Variants in GTF3C1 observed in about 807,000 individuals in gnomAD.
The protein encoded by GTF3C1 is general transcription factor IIIC subunit 1.
Under a neutral mutation model 226.7 loss-of-function variants are expected in GTF3C1, and 57 were observed. That is an observed-to-expected ratio of 0.25 (90% CI 0.20 to 0.31). GTF3C1 has a LOEUF of 0.31. Ranked by LOEUF, GTF3C1 falls within the 10% of genes least tolerant of loss-of-function variation. GTF3C1 has a pLI of 1.00. For synonymous variants in GTF3C1, 1,090 were observed against 1,084.8 expected, an observed-to-expected ratio of 1.00 and a Z score of -0.09; for missense variants, 2,217 against 2,776.1, an observed-to-expected ratio of 0.80 and a Z score of 4.53.
rs2087836809 is a variant in GTF3C1 at position 27,469,643 on chromosome 16, C to T, written c.4815-93G>A. On this transcript the variant is annotated intron_variant, in intron 31 of 36. Coordinates refer to ENST00000356183, the MANE Select transcript of GTF3C1 (RefSeq NM_001520.4). This position sits in a 1 kb window ranked among gnomAD's most constrained non-coding sequence, Gnocchi z 4.5. ...CCCTCAAGAGGCCTCTGTGGCTGGG[C>T]TTCAGCAGTGGCCCCAGCAACTGGC... is the stretch of plus-strand genomic sequence containing the variant. The T allele has an allele frequency of 7.1e-7, 1 of 1,406,364 alleles. No homozygotes were observed. Among genetic ancestry groups the T allele is most frequent in the Non-Finnish European group, 9.8e-7 (1 of 1,021,118 alleles). The allele number at this position is 1,406,364 out of a possible 1,614,324, so 87.1% of individuals were successfully genotyped here.
rs1045826023 is a variant in GTF3C1, at chr16:27,471,700, G to A, written c.4526+48C>T. The A allele has an allele frequency of 6.9e-7, 1 of 1,445,536 alleles. No homozygotes were observed. The highest frequency in any genetic ancestry group is 9.7e-7 in the Non-Finnish European group (1 of 1,029,194). The allele number at this position is 1,445,536 out of a possible 1,614,324, so 89.5% of individuals were successfully genotyped here. On this transcript the variant is annotated intron_variant, in intron 30 of 36. Transcript: ENST00000356183. This position sits in a 1 kb window ranked among gnomAD's most constrained non-coding sequence, Gnocchi z 5.0. ...CTTCCTTTGCTCCTCTTTACAGACA[G>A]GGCGTGGCTCCACCTCGGAGTACCC... is the stretch of plus-strand genomic sequence containing the variant.
intron 5 of GTF3C1, among the ~76,000 whole-genome samples, chr16:27,532,076 G>A (rs1437376838): frequency 6.6e-6 from 1 of 152,200 alleles, no homozygotes; most frequent in Non-Finnish European, 1.5e-5. Flanking sequence ...GCTAACTGAT[G>A]TCAGGAGAGA....
rs757443826 is a variant in GTF3C1 at position 27,549,738 on chromosome 16, G to A, written c.153C>T (p.Leu51=). Residue 51 remains leucine (L), a synonymous_variant, in exon 1 of 37, where the codon CTC becomes CTT. Transcript: ENST00000356183. ...AGAAGCTGATGCCCGGGTGCGTGGC[G>A]AGGGCCCGCCAGAGAAACTCCTGCG... ...PCTQEFLWRA[L]ATHPGISFYE... is the part of the protein sequence containing the mutation. 2 of 1,611,576 alleles carry A rather than the reference G, an allele frequency of 1.2e-6. No homozygotes were observed. Among genetic ancestry groups the A allele is most frequent in the African/African-American group, 1.3e-5 (1 of 74,884 alleles).
chr16:27,501,553 A>T (rs1246533196), intron 11 of GTF3C1, among the ~76,000 whole-genome samples: 1 of 152,214 alleles, frequency 6.6e-6, no homozygotes, highest in Non-Finnish European at 1.5e-5. Flanking sequence ...AAGCCACCAA[A>T]GACAGCAGCT....
intron 4 of GTF3C1, among the ~76,000 whole-genome samples, chr16:27,533,842 C>T (rs748223970): frequency 6.6e-6 from 1 of 152,142 alleles, no homozygotes; most frequent in Non-Finnish European, 1.5e-5. Context: ...CCTATCTCTA[C>T]TACAAATACA....
rs2087713723 is a variant in GTF3C1, at chr16:27,462,084, C to T, written c.6117+210G>A. On this transcript the variant is annotated intron_variant, in intron 36 of 36. Transcript: ENST00000356183. This position sits in a 1 kb window ranked among gnomAD's most constrained non-coding sequence, Gnocchi z 4.5. ...GCATCAGAGACAAGCACCCCGGGCA[C>T]CCCATCTTCCAGCCTGGTCAGCAGC... is the stretch of plus-strand genomic sequence containing the variant. The T allele has an allele frequency of 3.5e-6, 2 of 576,696 alleles. No individual in the cohort carries two copies. Among genetic ancestry groups the T allele is most frequent in the Non-Finnish European group, 6.2e-6 (2 of 322,884 alleles). 35.7% of individuals were successfully genotyped at this position (576,696 alleles called of 1,614,324 possible). A position where few individuals can be genotyped will look rare whatever the true frequency, so the allele number is the denominator to read the frequency against.
At chr16:27,501,390 G>A in intron 11 of GTF3C1, 46 bp from the exon 12 acceptor site, 1 of 1,579,302 alleles carries the variant, frequency 6.3e-7, no homozygotes, top group Non-Finnish European at 8.7e-7. Flanking sequence ...TCTCAACATG[G>A]AAGGCCTTCC....
At position 27,471,714 on chromosome 16, in the gene GTF3C1, C is replaced by T. The variant is rs1323800637; in HGVS notation, c.4526+34G>A. On this transcript the variant is annotated intron_variant, in intron 30 of 36. Coordinates refer to ENST00000356183, the MANE Select transcript of GTF3C1 (RefSeq NM_001520.4). The surrounding 1 kb of genome is among the most constrained non-coding windows in gnomAD (Gnocchi z 5.0). ...CTTTACAGACAGGGCGTGGCTCCAC[C>T]TCGGAGTACCCAAGGCTCCTGACAG... 1 of 1,566,194 alleles carries T rather than the reference C, an allele frequency of 6.4e-7. No individual in the cohort carries two copies. Among genetic ancestry groups the T allele is most frequent in the Non-Finnish European group, 8.8e-7 (1 of 1,137,350 alleles).
chr16:27,519,049 G>A (rs537695319), intron 6 of GTF3C1, among the ~76,000 whole-genome samples: 3 of 152,260 alleles, frequency 2.0e-5, no homozygotes, highest in South Asian at 2.1e-4. Flanking sequence ...CTTTAAGCAC[G>A]CACAGAGTTT....
intron 2 of GTF3C1, among the ~76,000 whole-genome samples, chr16:27,544,315 G>A (rs1296182315): frequency 6.6e-6 from 1 of 151,796 alleles, no homozygotes; most frequent in Non-Finnish European, 1.5e-5. Context: ...AGCCCAGGAG[G>A]TCAAGGCTGC....
chr16:27,471,657 G>A lies in GTF3C1; in HGVS notation c.4526+91C>T, dbSNP rs548482643. ...CTGCGAAGGTCCCTGGCTCCTACAC[G>A]CTTTCATGGCCACAGTGCTTCCTTT... is the stretch of plus-strand genomic sequence containing the variant. On this transcript the variant is annotated intron_variant, in intron 30 of 36. Transcript: ENST00000356183. This position sits in a 1 kb window ranked among gnomAD's most constrained non-coding sequence, Gnocchi z 5.0. 1.8e-4 allele frequency: 191 copies of A among 1,049,756 alleles called. 1 individual carries two copies. The East Asian group carries it at 3.7e-3, about 20-fold the overall frequency. The allele number at this position is 1,049,756 out of a possible 1,614,324, so 65.0% of individuals were successfully genotyped here.
At chr16:27,484,744 T>C (rs993491605) in intron 24 of GTF3C1, among the ~76,000 whole-genome samples, 2 of 152,242 alleles carry the variant, frequency 1.3e-5, no homozygotes, top group African/African-American at 4.8e-5. Flanking sequence ...ACGTTCTGTA[T>C]GTTGTGCTTG....
intron 23 of GTF3C1, among the ~76,000 whole-genome samples, chr16:27,487,368 T>TG (rs1419252085): frequency 1.3e-5 from 2 of 152,210 alleles, no homozygotes; most frequent in African/African-American, 2.4e-5. Context: ...GTGGACCACT[T>TG]AGGCAATATG....
chr16:27,521,664 A>G (rs1324630592), intron 6 of GTF3C1, among the ~76,000 whole-genome samples: 1 of 152,226 alleles, frequency 6.6e-6, no homozygotes, highest in Non-Finnish European at 1.5e-5. Flanking sequence ...CCCTGTTTTA[A>G]GTTCTGGCTT....
At chr16:27,525,296 A>G (rs909692874) in intron 6 of GTF3C1, among the ~76,000 whole-genome samples, 7 of 151,836 alleles carry the variant, frequency 4.6e-5, no homozygotes, top group Non-Finnish European at 7.4e-5. Context: ...AGGACCCAAC[A>G]ATCTTTTCTA....
intron 7 of GTF3C1, among the ~76,000 whole-genome samples, chr16:27,509,162 C>T (rs868732556): frequency 6.6e-6 from 1 of 152,194 alleles, no homozygotes; most frequent in South Asian, 2.1e-4. Flanking sequence ...AAGAGTCGTG[C>T]AAGCGAGGAC....
rs1162048791 is a variant in GTF3C1, at chr16:27,463,615, T to C, written c.5873-23A>G. On this transcript the variant is annotated intron_variant, in intron 34 of 36. Transcript: ENST00000356183. The surrounding 1 kb of genome is among the most constrained non-coding windows in gnomAD (Gnocchi z 4.9). ...ACCCTGAGGGAAGAGGAAGAGAATG[T>C]GAGAGACTCGGAAAGTCAGGGAAGC... 2.0e-6 allele frequency: 3 copies of C among 1,496,458 alleles called. No homozygotes were observed. The highest frequency in any genetic ancestry group is 2.8e-6 in the Non-Finnish European group (3 of 1,072,318). 92.7% of individuals were successfully genotyped at this position (1,496,458 alleles called of 1,614,324 possible).
chr16:27,533,086 C>T (rs1239176190), intron 5 of GTF3C1, among the ~76,000 whole-genome samples: 1 of 152,016 alleles, frequency 6.6e-6, no homozygotes, highest in Non-Finnish European at 1.5e-5. Context: ...GAGCCACTGT[C>T]GCACCACCGC....
intron 5 of GTF3C1, among the ~76,000 whole-genome samples, chr16:27,529,913 G>A (rs1478027676): frequency 9.2e-5 from 14 of 152,206 alleles, no homozygotes; most frequent in Admixed American, 9.2e-4. Context: ...TAGTTAAGAG[G>A]AAAGTTAATT....
Sources: allele counts gnomAD v4.1 joint callset (sites outside exome capture counted in the v4.1 genomes callset), GRCh38; gene constraint gnomAD v4.1.1; non-coding constraint Gnocchi (gnomAD v3.1); transcripts MANE v1.5; gene names NCBI Gene and HGNC (gene_info 2026-07-23, HGNC 2026-07-21).